NCKAP5: variants seen among roughly 807,000 people sequenced by gnomAD.
The protein encoded by NCKAP5 is NCK associated protein 5, also known as nck-associated protein 5.
NCKAP5 carries 92 observed loss-of-function variants against 167.0 expected under a neutral mutation model. That is an observed-to-expected ratio of 0.55 (90% confidence interval 0.47 to 0.66). NCKAP5 has a LOEUF of 0.66. Among genes scored for constraint, NCKAP5 ranks in the 30% least tolerant of loss-of-function variants. The probability of loss-of-function intolerance (pLI) is 0.00; values close to 1 mark genes in which losing one functional copy is unlikely to be tolerated. For missense variants in NCKAP5, 2,378 were observed against 2,315.0 expected (o/e 1.03, Z -0.56); for synonymous variants, 891 against 877.4 (o/e 1.02, Z -0.27).
intron 3 of NCKAP5, among the ~76,000 whole-genome samples, chr2:133,319,564 A>AT (rs1427553707): frequency 6.6e-6 from 1 of 152,128 alleles, no homozygotes; most frequent in Non-Finnish European, 1.5e-5. Flanking sequence ...CCATGTAAGA[A>AT]TTTTGTATTG....
intron 4 of NCKAP5, among the ~76,000 whole-genome samples, chr2:133,299,769 A>G (rs1032795959): frequency 6.6e-6 from 1 of 152,116 alleles, no homozygotes; most frequent in African/African-American, 2.4e-5. Context: ...CAATCAATCA[A>G]TGACTTTAGG....
chr2:133,316,654 T>A (rs1050446974), intron 3 of NCKAP5, among the ~76,000 whole-genome samples: 14 of 152,296 alleles, frequency 9.2e-5, no homozygotes, highest in African/African-American at 3.4e-4. Flanking sequence ...GCACTGAACA[T>A]AAATCACCCA....
At chr2:132,699,332 AT>A (rs932328966) in intron 19 of NCKAP5, among the ~76,000 whole-genome samples, 1 of 151,994 alleles carries the variant, frequency 6.6e-6, no homozygotes, top group Admixed American at 6.6e-5. Flanking sequence ...GACATGATAG[AT>A]TTTTTTTAAA....
At chr2:133,065,228 C>T (rs184588584) in intron 6 of NCKAP5, among the ~76,000 whole-genome samples, 39 of 152,188 alleles carry the variant, frequency 2.6e-4, no homozygotes, top group South Asian at 8.3e-4. Flanking sequence ...GAAGGAAAAA[C>T]GACGACAACT....
the NCKAP5 span, among the ~76,000 whole-genome samples, chr2:133,615,430 G>C: frequency 6.6e-6 from 1 of 151,916 alleles, no homozygotes; most frequent in South Asian, 2.1e-4. Context: ...ACACACATAG[G>C]CTCAAAATAA....
the NCKAP5 span, among the ~76,000 whole-genome samples, chr2:133,654,742 T>A: frequency 6.6e-6 from 1 of 152,218 alleles, no homozygotes; most frequent in Admixed American, 6.5e-5. Context: ...AGTGCTCCTA[T>A]GATGGGTAAT....
chr2:133,130,575 G>A (rs1348714171), intron 5 of NCKAP5, among the ~76,000 whole-genome samples: 1 of 152,186 alleles, frequency 6.6e-6, no homozygotes, highest in Admixed American at 6.5e-5. Flanking sequence ...AGAATGTGAA[G>A]CTGATGAGGG....
intron 5 of NCKAP5, among the ~76,000 whole-genome samples, chr2:133,191,642 A>G (rs2085224498): frequency 6.6e-6 from 1 of 152,180 alleles, no homozygotes; most frequent in Non-Finnish European, 1.5e-5. Context: ...GCTGGAAACC[A>G]TCATTCTGAG....
the NCKAP5 span, among the ~76,000 whole-genome samples, chr2:133,612,691 T>C: frequency 0.094 from 14,289 of 152,198 alleles, 775 homozygotes; most frequent in African/African-American, 0.12. Flanking sequence ...GTGGAAACAA[T>C]GCTTAAAAAA....
At chr2:133,653,849 T>C in the NCKAP5 span, among the ~76,000 whole-genome samples, 1 of 152,206 alleles carries the variant, frequency 6.6e-6, no homozygotes. Flanking sequence ...CAAAAGATCA[T>C]AGACTTGAGA....
chr2:132,805,350 T>G (rs1469955346), intron 11 of NCKAP5, among the ~76,000 whole-genome samples: 2 of 152,160 alleles, frequency 1.3e-5, no homozygotes, highest in East Asian at 3.9e-4. Flanking sequence ...TTCTACCCAA[T>G]TAAATCTGGT....
intron 4 of NCKAP5, among the ~76,000 whole-genome samples, chr2:133,302,789 T>A (rs1344648527): frequency 4.0e-5 from 6 of 149,236 alleles, no homozygotes; most frequent in Non-Finnish European, 5.9e-5. Flanking sequence ...AATAAAAAAA[T>A]AAAAATAAAA....
chr2:133,424,215 C>A (rs905016741), intron 3 of NCKAP5, among the ~76,000 whole-genome samples: 20 of 152,088 alleles, frequency 1.3e-4, no homozygotes, highest in African/African-American at 4.8e-4. Flanking sequence ...GGTTAAGACC[C>A]TATAACTTGT....
intron 7 of NCKAP5, among the ~76,000 whole-genome samples, chr2:132,985,402 G>A (rs2077260465): frequency 6.6e-6 from 1 of 152,116 alleles, no homozygotes; most frequent in Non-Finnish European, 1.5e-5. Context: ...GGATGTACGA[G>A]ACAAATACTT....
chr2:133,388,815 G>A (rs374554517), intron 3 of NCKAP5, among the ~76,000 whole-genome samples: 5 of 152,250 alleles, frequency 3.3e-5, no homozygotes, highest in African/African-American at 1.2e-4. Flanking sequence ...AAGGCTGCGT[G>A]GGCGTGGGAC....
intron 3 of NCKAP5, among the ~76,000 whole-genome samples, chr2:133,420,270 T>C (rs1176766235): frequency 6.6e-6 from 1 of 152,216 alleles, no homozygotes; most frequent in African/African-American, 2.4e-5. Context: ...GGGGTATTAT[T>C]TGGCAATTAA....
At chr2:133,367,359 A>C (rs1685518888) in intron 3 of NCKAP5, among the ~76,000 whole-genome samples, 1 of 152,180 alleles carries the variant, frequency 6.6e-6, no homozygotes, top group African/African-American at 2.4e-5. Context: ...CTCCAGTGAG[A>C]GTGACTTGAA....
At chr2:133,626,482 C>A in the NCKAP5 span, among the ~76,000 whole-genome samples, 1 of 121,062 alleles carries the variant, frequency 8.3e-6, no homozygotes, top group African/African-American at 4.3e-5. Context: ...AGGGGAGAAA[C>A]CTATTAGCTT....
At chr2:133,039,771 C>T (rs1359463004) in intron 6 of NCKAP5, among the ~76,000 whole-genome samples, 1 of 152,206 alleles carries the variant, frequency 6.6e-6, no homozygotes, top group Non-Finnish European at 1.5e-5. Context: ...TCAACAAGCA[C>T]TCCCTAAGCA....
Sources: allele counts gnomAD v4.1 joint callset (sites outside exome capture counted in the v4.1 genomes callset), GRCh38; gene constraint gnomAD v4.1.1; transcripts MANE v1.5; gene names NCBI Gene and HGNC (gene_info 2026-07-23, HGNC 2026-07-21).